Variants in ARHGEF3 observed in about 807,000 individuals in gnomAD.
ARHGEF3 encodes 59.8 kDA protein.
In ARHGEF3, 28 loss-of-function variants were observed where a neutral mutation model predicts 63.2. The ratio of observed to expected loss-of-function variants is 0.44; its 90% CI spans 0.33 to 0.61. The LOEUF is 0.61. Among genes scored for constraint, ARHGEF3 ranks in the 20% least tolerant of loss-of-function variants. The probability of loss-of-function intolerance (pLI) is 0.03; values close to 1 mark genes in which losing one functional copy is unlikely to be tolerated. For synonymous variants in ARHGEF3, 266 were observed against 254.2 expected (o/e 1.05, Z -0.44); for missense variants, 533 against 659.3 (o/e 0.81, Z 2.10).
chr3:56,994,064 C>CAAAAAAAAAAAAAAAAAAAACAA (rs1701876054), intron 2 of ARHGEF3, among the ~76,000 whole-genome samples: 1 of 59,722 alleles, frequency 1.7e-5, no homozygotes, highest in Non-Finnish European at 3.3e-5. Context: ...AACTTCGTCT[C>CAAAAAAAAAAAAAAAAAAAACAA]AAAAAAAAAA....
At chr3:57,077,432 A>C (rs1706269879) in intron 1 of ARHGEF3, among the ~76,000 whole-genome samples, 1 of 152,146 alleles carries the variant, frequency 6.6e-6, no homozygotes, top group South Asian at 2.1e-4. Context: ...CTGTGCTTCA[A>C]GTGCCTCGTG....
chr3:57,065,017 T>G (rs1705445467), intron 1 of ARHGEF3, among the ~76,000 whole-genome samples: 2 of 152,220 alleles, frequency 1.3e-5, no homozygotes, highest in South Asian at 2.1e-4. Context: ...AAAGTTTTGC[T>G]CTAAACTGAA....
chr3:56,772,235 G>A (rs564553467), intron 2 of ARHGEF3, among the ~76,000 whole-genome samples: 27 of 152,150 alleles, frequency 1.8e-4, no homozygotes, highest in Non-Finnish European at 2.8e-4. Context: ...ACAGAGGAAC[G>A]GGCAGGGCAG....
intron 2 of ARHGEF3, among the ~76,000 whole-genome samples, chr3:56,987,451 G>A (rs552790705): frequency 1.3e-5 from 2 of 152,114 alleles, no homozygotes; most frequent in African/African-American, 4.8e-5. Context: ...GAGTAGGAGG[G>A]AAGTGTTTGG....
rs369584955 is a variant in ARHGEF3, at chr3:56,744,059, T to C, written c.870+1146A>G. ...AGGAAAAAATCTCTTAAATTGATAT[T>C]TAAAAACCTCTATAACCAGATCTGA... On this transcript the variant is annotated intron_variant, in intron 7 of 9. Transcript: ENST00000296315. Among the ~76,000 whole-genome samples the C allele has an allele frequency of 7.2e-5, 11 of 152,296 alleles. No homozygotes were observed. In the South Asian group the frequency reaches 2.3e-3, roughly 32 times the overall value.
At chr3:56,918,602 G>A (rs2042045115) in intron 3 of ARHGEF3, among the ~76,000 whole-genome samples, 1 of 152,184 alleles carries the variant, frequency 6.6e-6, no homozygotes, top group Non-Finnish European at 1.5e-5. Context: ...CAAAAACAGG[G>A]CACGGCCGTC....
At chr3:56,799,712 C>T (rs966244804) in intron 1 of ARHGEF3, among the ~76,000 whole-genome samples, 3 of 152,166 alleles carry the variant, frequency 2.0e-5, no homozygotes, top group African/African-American at 4.8e-5. Context: ...GATAAGGAAA[C>T]CAGAAAACTA....
chr3:56,882,421 A>C, intron 3 of ARHGEF3: 2 of 1,376,404 alleles, frequency 1.5e-6, no homozygotes, highest in Non-Finnish European at 2.0e-6. Context: ...TAAGGCAAGA[A>C]AAAAAGCAAT....
intron 1 of ARHGEF3, among the ~76,000 whole-genome samples, chr3:56,775,885 T>C (rs1024648489): frequency 9.2e-5 from 14 of 152,262 alleles, no homozygotes; most frequent in South Asian, 8.3e-4. Flanking sequence ...AATGCCAGGT[T>C]GGTGGCACAA....
chr3:57,013,172 C>T (rs1003130755), intron 2 of ARHGEF3, among the ~76,000 whole-genome samples: 14 of 152,210 alleles, frequency 9.2e-5, no homozygotes, highest in East Asian at 3.9e-4. Flanking sequence ...GCTCCTGTGT[C>T]GCCAGAGCCT....
chr3:57,045,954 G>A (rs1431601330), intron 1 of ARHGEF3, among the ~76,000 whole-genome samples: 3 of 152,098 alleles, frequency 2.0e-5, no homozygotes, highest in Non-Finnish European at 4.4e-5. Flanking sequence ...GGTTTGTCTC[G>A]TTATCATTCA....
chr3:56,915,358 C>T (rs1334327144), intron 3 of ARHGEF3, among the ~76,000 whole-genome samples: 1 of 151,940 alleles, frequency 6.6e-6, no homozygotes, highest in Non-Finnish European at 1.5e-5. Context: ...CCCAGCTACT[C>T]GGGAGGCTGA....
At chr3:56,892,707 A>T (rs927167645) in intron 3 of ARHGEF3, among the ~76,000 whole-genome samples, 1 of 152,252 alleles carries the variant, frequency 6.6e-6, no homozygotes, top group Non-Finnish European at 1.5e-5. Flanking sequence ...AGTGCTCATC[A>T]TCCACAATAA....
Position 57,017,030 on chromosome 3 carries a change from TCTCACA to T in ARHGEF3, c.62+18052_62+18057del, listed in dbSNP as rs1461141367. Among the ~76,000 whole-genome samples, 593 of 67,768 alleles carry T rather than the reference TCTCACA, an allele frequency of 8.8e-3. 5 individuals are homozygous for T. Among genetic ancestry groups the T allele is most frequent in the Middle Eastern group, 0.028 (4 of 144 alleles). The allele number at this position is 67,768 out of a possible 152,430, so 44.5% of individuals were successfully genotyped here. ...GTCTCTCTCTCTCTCTCTCTCTCTC[TCTCACA>T]CACACACACACACACACACACACAC... On this transcript the variant is annotated intron_variant, in intron 2 of 12. Transcript: ENST00000338458.
intron 3 of ARHGEF3, among the ~76,000 whole-genome samples, chr3:56,886,556 G>A (rs113138721): frequency 1.3e-5 from 2 of 152,184 alleles, no homozygotes; most frequent in African/African-American, 4.8e-5. Flanking sequence ...AATAAGCCAC[G>A]GAAACATAAA....
chr3:56,972,844 G>A (rs1287192785), intron 2 of ARHGEF3, among the ~76,000 whole-genome samples: 1 of 151,942 alleles, frequency 6.6e-6, no homozygotes, highest in Non-Finnish European at 1.5e-5. Context: ...CCTGACCTAA[G>A]TTTTAAAAGG....
At chr3:56,970,809 G>A (rs1202394575) in intron 2 of ARHGEF3, among the ~76,000 whole-genome samples, 3 of 152,242 alleles carry the variant, frequency 2.0e-5, no homozygotes, top group Non-Finnish European at 4.4e-5. Flanking sequence ...GCTTCGCCCA[G>A]TAGTTAAGAG....
At chr3:57,072,705 GGCA>G (rs1335539092) in intron 1 of ARHGEF3, among the ~76,000 whole-genome samples, 2 of 147,994 alleles carry the variant, frequency 1.4e-5, no homozygotes, top group Admixed American at 6.8e-5. Context: ...TACCACCCTG[GGCA>G]ACAGAACGAG....
intron 1 of ARHGEF3, among the ~76,000 whole-genome samples, chr3:57,051,683 G>T (rs890753217): frequency 1.3e-5 from 2 of 152,038 alleles, no homozygotes; most frequent in African/African-American, 4.8e-5. Context: ...AGCACACCAG[G>T]CCAGGCACGG....
Sources: allele counts gnomAD v4.1 joint callset (sites outside exome capture counted in the v4.1 genomes callset), GRCh38; gene constraint gnomAD v4.1.1; transcripts MANE v1.5; gene names NCBI Gene and HGNC (gene_info 2026-07-23, HGNC 2026-07-21).